CCDC85A: variants seen among roughly 807,000 people sequenced by gnomAD.
CCDC85A encodes the protein coiled-coil domain containing 85A.
Under a neutral mutation model 50.2 loss-of-function variants are expected in CCDC85A, and 38 were observed. The ratio of observed to expected loss-of-function variants is 0.76; its 90% CI spans 0.58 to 0.99. The LOEUF is 0.99. Among genes scored for constraint, CCDC85A ranks in the 50% least tolerant of loss-of-function variants. CCDC85A has a pLI of 0.00. For missense variants in CCDC85A, 820 were observed against 742.0 expected (o/e 1.11, Z -1.22); for synonymous variants, 366 against 301.4 (o/e 1.21, Z -2.22).
intron 2 of CCDC85A, among the ~76,000 whole-genome samples, chr2:56,322,391 T>A (rs1286774166): frequency 2.0e-5 from 3 of 152,060 alleles, no homozygotes; most frequent in Non-Finnish European, 4.4e-5. Context: ...TGCAATCTAC[T>A]CATCTGACAA....
rs557936588 is a variant in CCDC85A, at chr2:56,339,382, A to G, written c.1241-3497A>G. On this transcript the variant is annotated intron_variant, in intron 2 of 5. Transcript: ENST00000407595. Reference sequence around the variant, plus strand: ...TAAAAACGAGAGAGGATATTTTCCAAACTCAGGAATTTACCCCTTTTTTCC... The same window carrying G: ...TAAAAACGAGAGAGGATATTTTCCAGACTCAGGAATTTACCCCTTTTTTCC... Among the ~76,000 whole-genome samples, 44 of 152,334 alleles carry G rather than the reference A, an allele frequency of 2.9e-4. 1 individual carries two copies. In the South Asian group the frequency reaches 8.7e-3, roughly 30 times the overall value.
intron 2 of CCDC85A, among the ~76,000 whole-genome samples, chr2:56,277,331 C>T (rs935760702): frequency 5.3e-5 from 8 of 152,102 alleles, no homozygotes; most frequent in African/African-American, 1.9e-4. Context: ...TGTTTTTCTC[C>T]TGAAAACTCT....
chr2:56,344,826 G>T (rs894851308), intron 3 of CCDC85A, among the ~76,000 whole-genome samples: 4 of 151,118 alleles, frequency 2.6e-5, no homozygotes, highest in African/African-American at 4.9e-5. Flanking sequence ...GAATGTAAAA[G>T]AAATAGAAAA....
Position 56,193,311 on chromosome 2 carries a change from G to A in CCDC85A, c.1111G>A (p.Asp371Asn). The change falls in exon 2 of 6, where the codon GAT (aspartate) becomes AAT (asparagine). Residue 371 changes from aspartate to asparagine, a missense_variant. By Grantham distance (23) the Asp-to-Asn change is conservative (BLOSUM62 1). Coordinates refer to ENST00000407595, the MANE Select transcript of CCDC85A (RefSeq NM_001080433.2). ...CAAACAACATTATGGAGGGAGCCCT[G>A]ATCACAAACACGGAGGAGGCAGTGG... ...HLKQHYGGSP[D>N]HKHGGGSGGS... 1 of 1,613,602 alleles carries A rather than the reference G, an allele frequency of 6.2e-7. No homozygotes were observed. Among genetic ancestry groups the A allele is most frequent in the Non-Finnish European group, 8.5e-7 (1 of 1,179,686 alleles).
At chr2:56,363,078 T>G (rs1418395291) in intron 3 of CCDC85A, among the ~76,000 whole-genome samples, 1 of 152,136 alleles carries the variant, frequency 6.6e-6, no homozygotes, top group Non-Finnish European at 1.5e-5. Flanking sequence ...TATATATAGT[T>G]TGAATAAAAA....
chr2:56,192,959 C>T lies in CCDC85A; in HGVS notation c.759C>T (p.Ser253=), dbSNP rs905589617. The change falls in exon 2 of 6, where the codon AGC becomes AGT. Residue 253 remains serine (S), a synonymous_variant. Coordinates refer to ENST00000407595, the MANE Select transcript of CCDC85A (RefSeq NM_001080433.2). This position sits in a 1 kb window ranked among gnomAD's most constrained non-coding sequence, Gnocchi z 4.7. ...EGSPEHSKHR[S]ASPEHPQKPR... is the part of the protein sequence containing the mutation. ...GCCCGGAGCACTCCAAGCACAGGAG[C>T]GCCAGCCCCGAGCATCCACAGAAAC... The T allele has an allele frequency of 1.1e-5, 17 of 1,612,274 alleles. No homozygotes were observed. Among genetic ancestry groups the T allele is most frequent in the Non-Finnish European group, 1.3e-5 (15 of 1,179,438 alleles).
intron 2 of CCDC85A, among the ~76,000 whole-genome samples, chr2:56,299,053 G>A (rs1161542724): frequency 3.9e-5 from 6 of 152,176 alleles, no homozygotes; most frequent in African/African-American, 1.4e-4. Flanking sequence ...GCATACAACA[G>A]TGTGGAAGGC....
intron 2 of CCDC85A, among the ~76,000 whole-genome samples, chr2:56,318,970 T>C (rs1340017405): frequency 3.3e-5 from 5 of 152,026 alleles, no homozygotes; most frequent in Non-Finnish European, 4.4e-5. Context: ...AGGTAGAAGA[T>C]TGTGCACCAA....
At chr2:56,356,791 C>T (rs890173060) in intron 3 of CCDC85A, among the ~76,000 whole-genome samples, 31 of 150,960 alleles carry the variant, frequency 2.1e-4, no homozygotes, top group African/African-American at 5.1e-4. Flanking sequence ...AGCCCTAGGC[C>T]GGGCACGATG....
At chr2:56,267,596 A>G (rs554658136) in intron 2 of CCDC85A, among the ~76,000 whole-genome samples, 7 of 152,330 alleles carry the variant, frequency 4.6e-5, no homozygotes, top group Admixed American at 6.5e-5. Flanking sequence ...TGGCATCCAC[A>G]GTGAGCCCTG....
chr2:56,359,053 C>T (rs1266171373), intron 3 of CCDC85A, among the ~76,000 whole-genome samples: 1 of 151,872 alleles, frequency 6.6e-6, no homozygotes, highest in African/African-American at 2.4e-5. Flanking sequence ...ATCCACCCAC[C>T]TTAGCCTCCC....
At chr2:56,313,406 G>C (rs1672782562) in intron 2 of CCDC85A, among the ~76,000 whole-genome samples, 1 of 152,092 alleles carries the variant, frequency 6.6e-6, no homozygotes, top group South Asian at 2.1e-4. Context: ...AATTGAATCT[G>C]AAGTGGGAAT....
At chr2:56,316,839 A>T (rs898665937) in intron 2 of CCDC85A, among the ~76,000 whole-genome samples, 1 of 152,130 alleles carries the variant, frequency 6.6e-6, no homozygotes, top group Non-Finnish European at 1.5e-5. Flanking sequence ...TCACTTTTTT[A>T]TGGTAAGCAG....
chr2:56,372,590 GA>G, intron 4 of CCDC85A, 112 bp downstream of exon 4: 1 of 1,223,518 alleles, frequency 8.2e-7, no homozygotes, highest in Non-Finnish European at 1.1e-6. Flanking sequence ...ACACATGAAA[GA>G]AAGTTGTATG....
chr2:56,318,451 C>A (rs1673016812), intron 2 of CCDC85A, among the ~76,000 whole-genome samples: 1 of 152,042 alleles, frequency 6.6e-6, no homozygotes. Flanking sequence ...CTCAGAGAGG[C>A]CTAGTCTGAT....
chr2:56,266,163 A>G (rs1416301582), intron 2 of CCDC85A, among the ~76,000 whole-genome samples: 5 of 152,172 alleles, frequency 3.3e-5, no homozygotes, highest in African/African-American at 4.8e-5. Flanking sequence ...ATGGGTGGGG[A>G]AAGGGGAAAT....
At chr2:56,345,186 C>G (rs1674575652) in intron 3 of CCDC85A, among the ~76,000 whole-genome samples, 1 of 151,928 alleles carries the variant, frequency 6.6e-6, no homozygotes. Context: ...TTTTTTGGTT[C>G]ATTTTGTTTT....
At chr2:56,219,637 C>T (rs1370531345) in intron 2 of CCDC85A, among the ~76,000 whole-genome samples, 1 of 151,816 alleles carries the variant, frequency 6.6e-6, no homozygotes, top group Non-Finnish European at 1.5e-5. Flanking sequence ...GATGCTTACC[C>T]TCCCCCATGC....
At chr2:56,341,949 A>G (rs745558822) in intron 2 of CCDC85A, among the ~76,000 whole-genome samples, 16 of 151,760 alleles carry the variant, frequency 1.1e-4, no homozygotes, top group Non-Finnish European at 2.4e-4. Context: ...TGGGAGAAAT[A>G]AAGAGAACTG....
Sources: gnomAD v4.1 joint callset for allele counts (sites outside exome capture counted in the v4.1 genomes callset) on GRCh38, gnomAD v4.1.1 for gene constraint, Gnocchi (gnomAD v3.1) non-coding constraint, MANE v1.5 for transcripts, NCBI Gene and HGNC (gene_info 2026-07-23, HGNC 2026-07-21) for gene names.